The following TACC2 variants were observed in gnomAD, a reference collection of about 807,000 sequenced individuals.
TACC2 encodes the protein transforming acidic coiled-coil-containing protein 2.
TACC2 carries 137 observed loss-of-function variants against 227.3 expected under a neutral mutation model. That is an observed-to-expected ratio of 0.60 (90% CI 0.52 to 0.69). TACC2 has a LOEUF of 0.69. Ranked by LOEUF, TACC2 falls within the 30% of genes least tolerant of loss-of-function variation. The pLI is 0.00. For missense variants in TACC2, 3,470 were observed against 3,694.4 expected, an observed-to-expected ratio of 0.94 and a Z score of 1.57; for synonymous variants, 1,523 against 1,487.5, an observed-to-expected ratio of 1.02 and a Z score of -0.55.
At chr10:122,237,293 C>A in intron 16 of TACC2, 102 bp from the exon 17 acceptor site, 1 of 1,181,874 alleles carries the variant, frequency 8.5e-7, no homozygotes, top group Non-Finnish European at 1.2e-6. Flanking sequence ...TTCTTTGTTT[C>A]AAAACCATAC....
rs2075565763 is a variant in TACC2 at position 122,050,602 on chromosome 10, T to TA, written c.146+52_146+53insA. 1 of 1,407,194 alleles carries TA rather than the reference T, an allele frequency of 7.1e-7. No homozygotes were observed. The highest frequency in any genetic ancestry group is 1.8e-5 in the Admixed American group (1 of 56,142). 87.2% of individuals were successfully genotyped at this position (1,407,194 alleles called of 1,614,324 possible). A position where few individuals can be genotyped will look rare whatever the true frequency, so the allele number is the denominator to read the frequency against. On this transcript the variant is annotated intron_variant, in intron 3 of 22. Coordinates refer to ENST00000369005, the MANE Select transcript of TACC2 (RefSeq NM_206862.4). The surrounding 1 kb of genome is among the most constrained non-coding windows in gnomAD (Gnocchi z 4.6). ...TGCAGCCCAAGGACTGCCCCGCTCA[T>TA]TGCCTGCTCCAGCATTAGCTTTGCC...
chr10:122,149,354 T>C (rs1452530819), intron 7 of TACC2, among the ~76,000 whole-genome samples: 3 of 152,198 alleles, frequency 2.0e-5, no homozygotes, highest in Admixed American at 6.5e-5. Context: ...CAGCTGAGCT[T>C]CTTGCAGGGA....
At chr10:122,236,459 G>T (rs1360609545) in intron 16 of TACC2, among the ~76,000 whole-genome samples, 3 of 152,246 alleles carry the variant, frequency 2.0e-5, no homozygotes, top group African/African-American at 4.8e-5. Flanking sequence ...TGGTTGGTTT[G>T]ATGTTTCTTT....
chr10:122,227,237 C>T (rs748689616), intron 13 of TACC2, among the ~76,000 whole-genome samples: 5 of 152,216 alleles, frequency 3.3e-5, no homozygotes, highest in Admixed American at 1.3e-4. Context: ...TTTATGAGGG[C>T]TGATGTTTGG....
rs190145554 is a variant in TACC2 at position 122,025,990 on chromosome 10, C to T, written c.33+3976C>T. Among the ~76,000 whole-genome samples, 45 of 151,848 alleles carry T rather than the reference C, an allele frequency of 3.0e-4. No individual in the cohort carries two copies. In the East Asian group the frequency reaches 7.4e-3, roughly 25 times the overall value. On this transcript the variant is annotated intron_variant, in intron 2 of 22. Transcript: ENST00000369005. Reference sequence around the variant, plus strand: ...TCTTCCATTCTGTAACATGTCTTTTCGTCCTCTTAAGAGCATCTTTTACAG... The same window carrying T: ...TCTTCCATTCTGTAACATGTCTTTTTGTCCTCTTAAGAGCATCTTTTACAG...
chr10:122,112,493 G>C (rs905884092), intron 5 of TACC2, among the ~76,000 whole-genome samples: 9 of 152,326 alleles, frequency 5.9e-5, no homozygotes, highest in African/African-American at 1.9e-4. Flanking sequence ...CTGTGGTTAA[G>C]CGCCATTAAT....
intron 3 of TACC2, among the ~76,000 whole-genome samples, chr10:122,064,708 A>G (rs2077203967): frequency 1.3e-5 from 2 of 152,128 alleles, no homozygotes; most frequent in African/African-American, 4.8e-5. Context: ...TATTAGTTTC[A>G]CTGCCTTAAA....
intron 3 of TACC2, among the ~76,000 whole-genome samples, chr10:122,074,873 C>T (rs2136860555): frequency 6.6e-6 from 1 of 152,258 alleles, no homozygotes; most frequent in Non-Finnish European, 1.5e-5. Context: ...TCTGGAGTTT[C>T]ATTTCCTTTC....
At chr10:122,227,799 T>A in intron 13 of TACC2, 38 bp from the exon 14 acceptor site, 1 of 1,582,054 alleles carries the variant, frequency 6.3e-7, no homozygotes, top group Non-Finnish European at 8.6e-7. Flanking sequence ...GGTTTCCCAA[T>A]GAGAAGACTA....
At chr10:122,179,933 AT>A (rs1308748068) in intron 7 of TACC2, among the ~76,000 whole-genome samples, 2 of 151,862 alleles carry the variant, frequency 1.3e-5, no homozygotes, top group Non-Finnish European at 2.9e-5. Context: ...TAAAAAAAAA[AT>A]ATAGCCGGGA....
chr10:122,160,262 G>A (rs995298133), intron 7 of TACC2, among the ~76,000 whole-genome samples: 1 of 152,194 alleles, frequency 6.6e-6, no homozygotes, highest in Non-Finnish European at 1.5e-5. Context: ...CTGTCTAAGC[G>A]GGCTTAGCCT....
chr10:122,065,140 C>T (rs1440594313), intron 3 of TACC2, among the ~76,000 whole-genome samples: 1 of 152,104 alleles, frequency 6.6e-6, no homozygotes, highest in Non-Finnish European at 1.5e-5. Flanking sequence ...ACCATCTTAA[C>T]CGTTTCTAAG....
chr10:122,145,962 G>T (rs186883482), intron 7 of TACC2, among the ~76,000 whole-genome samples: 302 of 152,286 alleles, frequency 2.0e-3, no homozygotes, highest in Admixed American at 4.8e-3. Flanking sequence ...CATGAACTTG[G>T]GATTACTCTG....
Position 122,180,462 on chromosome 10 carries a change from C to T in TACC2, c.5835-14578C>T, listed in dbSNP as rs1409546326. 2.0e-5 allele frequency among the ~76,000 whole-genome samples: 3 copies of T among 152,036 alleles called. No homozygotes were observed. The highest frequency in any genetic ancestry group is 4.4e-5 in the Non-Finnish European group (3 of 68,004). ...ACGCCATTCTCCTGCCTCAGCCTCC[C>T]GAGTAGCTGGGACTACAGGCGCCCG... On this transcript the variant is annotated intron_variant, in intron 7 of 22. Transcript: ENST00000369005. This position sits in a 1 kb window ranked among gnomAD's most constrained non-coding sequence, Gnocchi z 4.5.
At position 122,082,893 on chromosome 10, in the gene TACC2, T is replaced by C. The variant is rs2079686805; in HGVS notation, c.393T>C (p.Asp131=). Reference sequence around the variant, plus strand: ...CAAGTCCAGCAGCGGCACCTGAAGATGGTCCTCAGACTCAGTCTCCCAGGA... The same window carrying C: ...CAAGTCCAGCAGCGGCACCTGAAGACGGTCCTCAGACTCAGTCTCCCAGGA... The part of the protein sequence containing the change: ...CLASPAAAPE[D]GPQTQSPRRE... The change falls in exon 4 of 23, where the codon GAT becomes GAC. Residue 131 remains aspartate, a synonymous_variant. Coordinates refer to ENST00000369005, the MANE Select transcript of TACC2 (RefSeq NM_206862.4). The C allele has an allele frequency of 1.9e-6, 3 of 1,613,294 alleles. No individual in the cohort carries two copies. Among genetic ancestry groups the C allele is most frequent in the Non-Finnish European group, 2.5e-6 (3 of 1,180,010 alleles).
At chr10:122,082,623 C>T in intron 3 of TACC2, 24 bp from the exon 4 acceptor site, 1 of 1,586,064 alleles carries the variant, frequency 6.3e-7, no homozygotes, top group African/African-American at 1.3e-5. Flanking sequence ...CCATGATAAC[C>T]AATGAAACAT....
intron 2 of TACC2, among the ~76,000 whole-genome samples, chr10:122,029,023 C>T (rs1004005934): frequency 2.7e-4 from 29 of 107,632 alleles, no homozygotes; most frequent in Non-Finnish European, 3.7e-4. Context: ...CTTCCCTTCC[C>T]GTCTTTCTTC....
intron 3 of TACC2, among the ~76,000 whole-genome samples, chr10:122,068,732 C>A (rs189166719): frequency 6.6e-6 from 1 of 151,152 alleles, no homozygotes; most frequent in East Asian, 1.9e-4. Flanking sequence ...GGTGCGATCT[C>A]GGGCCACTGC....
At chr10:122,127,641 C>T (rs986341385) in intron 5 of TACC2, among the ~76,000 whole-genome samples, 3 of 152,118 alleles carry the variant, frequency 2.0e-5, no homozygotes, top group African/African-American at 7.2e-5. Context: ...ACTCTAGTCC[C>T]AGAACCACCA....
Sources: allele counts gnomAD v4.1 joint callset (sites outside exome capture counted in the v4.1 genomes callset), GRCh38; gene constraint gnomAD v4.1.1; non-coding constraint Gnocchi (gnomAD v3.1); transcripts MANE v1.5; gene names NCBI Gene and HGNC (gene_info 2026-07-23, HGNC 2026-07-21).